The following XYLT1 variants were observed in gnomAD, a reference collection of about 807,000 sequenced individuals.
XYLT1 encodes xylosyltransferase 1.
XYLT1 carries 36 observed loss-of-function variants against 91.3 expected under a neutral mutation model. That is an observed-to-expected ratio of 0.39 (90% CI 0.30 to 0.52). The LOEUF (loss-of-function observed/expected upper bound fraction) is 0.52, where lower values mean the gene tolerates loss of function less well. Ranked by LOEUF, XYLT1 falls within the 20% of genes least tolerant of loss-of-function variation. The pLI is 0.68. For synonymous variants in XYLT1, 588 were observed against 532.0 expected (o/e 1.11, Z -1.45); for missense variants, 1,242 against 1,284.5 (o/e 0.97, Z 0.51).
At chr16:17,337,269 C>A (rs73523016) in intron 2 of XYLT1, among the ~76,000 whole-genome samples, 3 of 152,082 alleles carry the variant, frequency 2.0e-5, no homozygotes, top group Non-Finnish European at 4.4e-5. Flanking sequence ...CTCATTGTAG[C>A]CTCCACCTCC....
intron 2 of XYLT1, among the ~76,000 whole-genome samples, chr16:17,288,898 C>A (rs2034180150): frequency 6.6e-6 from 1 of 152,092 alleles, no homozygotes; most frequent in Admixed American, 6.5e-5. Flanking sequence ...TACCGTTTTA[C>A]CCCACTGAGT....
chr16:17,131,028 A>ACTGT (rs201334514), intron 9 of XYLT1, among the ~76,000 whole-genome samples: 1,878 of 152,248 alleles, frequency 0.012, 22 homozygotes, highest in Middle Eastern at 0.034. Flanking sequence ...GTGCTTAGGT[A>ACTGT]CTGTCTGTCT....
chr16:17,228,591 T>C (rs963916746), intron 3 of XYLT1, among the ~76,000 whole-genome samples: 3 of 152,108 alleles, frequency 2.0e-5, no homozygotes, highest in African/African-American at 7.2e-5. Context: ...GGCTTGTGAT[T>C]GGAGGAGGCT....
intron 2 of XYLT1, among the ~76,000 whole-genome samples, chr16:17,331,230 C>T (rs1292347781): frequency 2.0e-5 from 3 of 152,234 alleles, no homozygotes; most frequent in African/African-American, 7.2e-5. Flanking sequence ...CTTCTCAGGG[C>T]CGCCTTGACC....
chr16:17,263,709 C>A (rs986691714), intron 2 of XYLT1, among the ~76,000 whole-genome samples: 4 of 151,676 alleles, frequency 2.6e-5, no homozygotes, highest in African/African-American at 9.7e-5. Context: ...TCATTTTTTT[C>A]TTTTCTTTTC....
chr16:17,235,130 G>C (rs916060088), intron 3 of XYLT1, among the ~76,000 whole-genome samples: 4 of 151,684 alleles, frequency 2.6e-5, no homozygotes, highest in Non-Finnish European at 5.9e-5. Flanking sequence ...AAAGTAGCTT[G>C]TTCCAGTTCA....
At chr16:17,182,984 G>A (rs2032104043) in intron 5 of XYLT1, among the ~76,000 whole-genome samples, 1 of 152,204 alleles carries the variant, frequency 6.6e-6, no homozygotes, top group African/African-American at 2.4e-5. Context: ...GGTCTACACT[G>A]GCTTTTGGCT....
At chr16:17,302,998 G>A (rs75529235) in intron 2 of XYLT1, among the ~76,000 whole-genome samples, 3,075 of 151,192 alleles carry the variant, frequency 0.02, 145 homozygotes, top group African/African-American at 0.071. Flanking sequence ...TTGGCAGTAT[G>A]GGTAGGGAAG....
rs563563293 is a variant in XYLT1 at position 17,127,842 on chromosome 16, G to C, written c.2047C>G (p.Pro683Ala). Residue 683 changes from proline to alanine, a missense_variant, in exon 10 of 12, where the codon CCA becomes GCA. Pro to Ala is a conservative substitution (Grantham distance 27). Around this residue, in one of 3 missense-constraint regions of XYLT1, gnomAD observed 511 missense variants for 497.0 expected, o/e 1.03. Transcript: ENST00000261381. ...NSCRYYPMGH[P>A]ASVHLYFLAD... ...AGGAAGTAGAGGTGCACAGATGCTGGGTGGCCCATTGGGTAGTATCTGAAA... is the reference window on the plus strand; with the variant it reads ...AGGAAGTAGAGGTGCACAGATGCTGCGTGGCCCATTGGGTAGTATCTGAAA... 3.1e-6 allele frequency: 5 copies of C among 1,613,870 alleles called. No individual in the cohort carries two copies. The African/African-American group carries it at 5.3e-5, about 17-fold the overall frequency.
chr16:17,274,898 C>T (rs773482214), intron 2 of XYLT1, among the ~76,000 whole-genome samples: 6 of 152,030 alleles, frequency 3.9e-5, no homozygotes, highest in East Asian at 1.9e-4. Flanking sequence ...AGAGCAGGGC[C>T]GGGCACGGTG....
intron 1 of XYLT1, among the ~76,000 whole-genome samples, chr16:17,367,603 A>G (rs1428603509): frequency 6.6e-6 from 1 of 152,234 alleles, no homozygotes; most frequent in African/African-American, 2.4e-5. Context: ...TCTGTTCCAC[A>G]GGAAAATAGT....
chr16:17,424,537 G>T (rs760855734), intron 1 of XYLT1, among the ~76,000 whole-genome samples: 2 of 152,184 alleles, frequency 1.3e-5, no homozygotes, highest in African/African-American at 4.8e-5. Flanking sequence ...CATGACCGGG[G>T]AGTGTTATGT....
intron 5 of XYLT1, among the ~76,000 whole-genome samples, chr16:17,159,394 C>T (rs981915524): frequency 4.6e-5 from 7 of 152,148 alleles, no homozygotes; most frequent in South Asian, 2.1e-4. Flanking sequence ...ACCTGCCTCC[C>T]GCTCTCTCCC....
intron 6 of XYLT1, among the ~76,000 whole-genome samples, chr16:17,145,884 G>A (rs992901809): frequency 4.6e-5 from 7 of 152,332 alleles, no homozygotes; most frequent in South Asian, 2.1e-4. Context: ...AACAGACCTC[G>A]TTACTCTGTC....
chr16:17,223,739 G>C (rs1181231111), intron 3 of XYLT1, among the ~76,000 whole-genome samples: 1 of 152,208 alleles, frequency 6.6e-6, no homozygotes, highest in East Asian at 1.9e-4. Flanking sequence ...CTTCATGTTA[G>C]AGACATTATA....
At chr16:17,190,901 TG>T (rs1392067885) in intron 5 of XYLT1, among the ~76,000 whole-genome samples, 1 of 152,198 alleles carries the variant, frequency 6.6e-6, no homozygotes, top group Non-Finnish European at 1.5e-5. Flanking sequence ...GCTGTAGCCT[TG>T]GGGTCAAGTT....
intron 1 of XYLT1, among the ~76,000 whole-genome samples, chr16:17,407,013 T>A (rs1343367796): frequency 6.6e-6 from 1 of 152,096 alleles, no homozygotes; most frequent in Non-Finnish European, 1.5e-5. Flanking sequence ...TTTAATTTAA[T>A]TTTTTTGAGA....
intron 5 of XYLT1, among the ~76,000 whole-genome samples, chr16:17,161,373 C>A (rs2031546361): frequency 1.3e-5 from 2 of 152,098 alleles, no homozygotes; most frequent in Admixed American, 1.3e-4. Context: ...AAGCCAAGCG[C>A]TGTGTGCTTG....
At chr16:17,335,238 A>G (rs2034962441) in intron 2 of XYLT1, among the ~76,000 whole-genome samples, 4 of 148,854 alleles carry the variant, frequency 2.7e-5, no homozygotes, top group African/African-American at 7.8e-5. Context: ...AAAAAACAAT[A>G]ACAAACAAAA....
Sources: allele counts gnomAD v4.1 joint callset (sites outside exome capture counted in the v4.1 genomes callset), GRCh38; gene constraint gnomAD v4.1.1; regional missense constraint gnomAD v4.1.1; transcripts MANE v1.5; gene names NCBI Gene and HGNC (gene_info 2026-07-23, HGNC 2026-07-21).